THSD4: variants seen among roughly 807,000 people sequenced by gnomAD.
The protein encoded by THSD4 is thrombospondin type 1 domain containing 4, also known as thrombospondin type-1 domain-containing protein 4.
THSD4 carries 69 observed loss-of-function variants against 119.0 expected under a neutral mutation model. The observed-to-expected ratio is 0.58, with a 90% CI of 0.48 to 0.71. THSD4 has a LOEUF of 0.71. Among genes scored for constraint, THSD4 ranks in the 30% least tolerant of loss-of-function variants. The pLI is 0.00. For synonymous variants in THSD4, 524 were observed against 540.4 expected, an observed-to-expected ratio of 0.97 and a Z score of 0.42; for missense variants, 1,393 against 1,391.1, an observed-to-expected ratio of 1.00 and a Z score of -0.02.
intron 7 of THSD4, among the ~76,000 whole-genome samples, chr15:71,470,612 G>C (rs2047562982): frequency 6.6e-6 from 1 of 152,040 alleles, no homozygotes; most frequent in African/African-American, 2.4e-5. Context: ...GCTAATAAAT[G>C]GCTGAGTGAG....
chr15:71,597,878 G>A (rs1360484724), intron 7 of THSD4, among the ~76,000 whole-genome samples: 2 of 152,176 alleles, frequency 1.3e-5, no homozygotes, highest in Non-Finnish European at 2.9e-5. Context: ...CCCAAAGGAA[G>A]TGAGTTCAGA....
At chr15:71,630,364 T>C (rs2050602407) in intron 7 of THSD4, among the ~76,000 whole-genome samples, 1 of 152,180 alleles carries the variant, frequency 6.6e-6, no homozygotes, top group Admixed American at 6.5e-5. Flanking sequence ...GGGCTCAGTA[T>C]ACTCTGAAAA....
intron 7 of THSD4, among the ~76,000 whole-genome samples, chr15:71,507,047 A>G (rs11072294): frequency 0.06 from 9,171 of 152,266 alleles, 650 homozygotes; most frequent in African/African-American, 0.17. Context: ...AGGGTGTTGC[A>G]TAGGCAGGAG....
intron 7 of THSD4, among the ~76,000 whole-genome samples, chr15:71,420,297 AT>A (rs2046794138): frequency 9.4e-6 from 1 of 106,376 alleles, no homozygotes; most frequent in South Asian, 2.9e-4. Flanking sequence ...ACTCCTGTTC[AT>A]TTTTGGTTTC....
chr15:71,460,302 C>G (rs1259180242), intron 7 of THSD4, among the ~76,000 whole-genome samples: 2 of 140,852 alleles, frequency 1.4e-5, no homozygotes, highest in African/African-American at 2.5e-5. Flanking sequence ...TACAAGTTGC[C>G]TGGTTTTTTT....
chr15:71,370,280 C>T (rs2046026503), intron 6 of THSD4, among the ~76,000 whole-genome samples: 1 of 152,142 alleles, frequency 6.6e-6, no homozygotes, highest in African/African-American at 2.4e-5. Context: ...TCTCTATCTC[C>T]TTCAGTTCTG....
At chr15:71,627,329 G>C (rs2050528803) in intron 7 of THSD4, among the ~76,000 whole-genome samples, 1 of 152,348 alleles carries the variant, frequency 6.6e-6, no homozygotes, top group African/African-American at 2.4e-5. Flanking sequence ...ATCTGTGACA[G>C]GGCCAGTAGG....
intron 7 of THSD4, among the ~76,000 whole-genome samples, chr15:71,539,245 A>G (rs1260417414): frequency 6.6e-6 from 1 of 152,184 alleles, no homozygotes; most frequent in Non-Finnish European, 1.5e-5. Context: ...GTTAATTACT[A>G]ACACCTGCTT....
intron 7 of THSD4, among the ~76,000 whole-genome samples, chr15:71,519,455 G>A (rs1418770297): frequency 2.0e-5 from 3 of 151,582 alleles, no homozygotes; most frequent in Non-Finnish European, 2.9e-5. Flanking sequence ...TCTGCCTCCC[G>A]AGTTCAAGCA....
chr15:71,574,900 G>C (rs934921113), intron 7 of THSD4, among the ~76,000 whole-genome samples: 1 of 152,092 alleles, frequency 6.6e-6, no homozygotes, highest in African/African-American at 2.4e-5. Flanking sequence ...AGATATCCTG[G>C]AATATGTTCT....
In THSD4 at chr15:71,780,541, G is replaced by GAA; in HGVS notation, c.*3176_*3177dup. Reference sequence around the variant, plus strand: ...AAAAAAACAAACAAAAACACCAAAAGAAAAAAAAAAGCCATTTAAAGCCAG... The same window carrying GAA: ...AAAAAAACAAACAAAAACACCAAAAGAAAAAAAAAAAAGCCATTTAAAGCCAG... On this transcript the variant is annotated 3_prime_UTR_variant, in exon 18 of 18. Transcript: ENST00000261862. 12 of 304,868 alleles carry GAA rather than the reference G, an allele frequency of 3.9e-5. No homozygotes were observed. Among genetic ancestry groups the GAA allele is most frequent in the East Asian group, 8.4e-5 (1 of 11,912 alleles). 18.9% of individuals were successfully genotyped at this position (304,868 alleles called of 1,614,324 possible). A position where few individuals can be genotyped will look rare whatever the true frequency, so the allele number is the denominator to read the frequency against.
intron 6 of THSD4, among the ~76,000 whole-genome samples, chr15:71,350,141 TAAAAAA>T (rs3086680): frequency 1.8e-5 from 2 of 111,174 alleles, no homozygotes; most frequent in African/African-American, 7.2e-5. Context: ...TGCAAATTAC[TAAAAAA>T]AAAAAAAAAA....
chr15:71,377,867 A>AACACACACACACAC (rs376497737), intron 6 of THSD4, among the ~76,000 whole-genome samples: 81 of 86,328 alleles, frequency 9.4e-4, no homozygotes, highest in African/African-American at 2.5e-3. Context: ...ACATATCCAC[A>AACACACACACACAC]ACACACACAC....
chr15:71,602,581 T>TAAAAAA (rs2050034240), intron 7 of THSD4, among the ~76,000 whole-genome samples: 1 of 89,474 alleles, frequency 1.1e-5, no homozygotes, highest in African/African-American at 4.3e-5. Flanking sequence ...AAAAAAAAAA[T>TAAAAAA]GAAAAAGAAA....
intron 7 of THSD4, among the ~76,000 whole-genome samples, chr15:71,583,805 G>T (rs2049603830): frequency 6.6e-6 from 1 of 152,148 alleles, no homozygotes; most frequent in Non-Finnish European, 1.5e-5. Context: ...AATTTGTTAA[G>T]ACTTGTTTTG....
At chr15:71,662,783 A>G (rs2051336785) in intron 8 of THSD4, among the ~76,000 whole-genome samples, 1 of 152,196 alleles carries the variant, frequency 6.6e-6, no homozygotes, top group African/African-American at 2.4e-5. Flanking sequence ...GCGATTCAAT[A>G]GGATACAGAT....
chr15:71,516,064 A>G (rs1268634303), intron 7 of THSD4, among the ~76,000 whole-genome samples: 2 of 152,222 alleles, frequency 1.3e-5, no homozygotes, highest in African/African-American at 4.8e-5. Flanking sequence ...ACTTTGGGAC[A>G]TGTACCACAG....
chr15:71,121,771 C>T (rs2040410999), intron 1 of THSD4, among the ~76,000 whole-genome samples: 1 of 152,132 alleles, frequency 6.6e-6, no homozygotes, highest in Admixed American at 6.5e-5. Context: ...GAGAATGCAG[C>T]TGTCTTGAGA....
At position 71,289,584 on chromosome 15, in the gene THSD4, A is replaced by G. The variant is rs72759674; in HGVS notation, c.1015+32869A>G. On this transcript the variant is annotated intron_variant, in intron 6 of 17. Coordinates refer to ENST00000261862, the MANE Select transcript of THSD4 (RefSeq NM_024817.3). ...AGTTTTCAAAGGAACTGATTGGGCA[A>G]CTGCAAAATGAGTATGTGAAGACAT... Among the ~76,000 whole-genome samples, 666 of 152,318 alleles carry G rather than the reference A, an allele frequency of 4.4e-3. 11 individuals carry two copies. Among genetic ancestry groups the G allele is most frequent in the Non-Finnish European group, 6.0e-3 (409 of 68,034 alleles).
Sources: allele counts gnomAD v4.1 joint callset (sites outside exome capture counted in the v4.1 genomes callset), GRCh38; gene constraint gnomAD v4.1.1; transcripts MANE v1.5; gene names NCBI Gene and HGNC (gene_info 2026-07-23, HGNC 2026-07-21).